BACH2: variants seen among roughly 807,000 people sequenced by gnomAD.
BACH2 encodes the protein BACH transcriptional regulator 2.
A neutral mutation model predicts 61.8 loss-of-function variants in BACH2; 5 were observed. The observed-to-expected ratio is 0.08, with a 90% CI of 0.04 to 0.17. BACH2 has a LOEUF of 0.17. Among genes scored for constraint, BACH2 ranks in the 10% least tolerant of loss-of-function variants. The pLI is 1.00. For synonymous variants in BACH2, 446 were observed against 440.1 expected, an observed-to-expected ratio of 1.01 and a Z score of -0.17; for missense variants, 824 against 1,091.1, an observed-to-expected ratio of 0.76 and a Z score of 3.45.
At chr6:90,063,216 G>T (rs1780776851) in intron 5 of BACH2, among the ~76,000 whole-genome samples, 2 of 152,162 alleles carry the variant, frequency 1.3e-5, no homozygotes, top group African/African-American at 4.8e-5. Flanking sequence ...GAAGTGTTGG[G>T]TTTGGAAAGC....
intron 5 of BACH2, among the ~76,000 whole-genome samples, chr6:90,070,230 C>A (rs1435787778): frequency 6.6e-6 from 1 of 152,138 alleles, no homozygotes; most frequent in Non-Finnish European, 1.5e-5. Context: ...CCTTCATCTT[C>A]CTTAAACCTC....
intron 5 of BACH2, among the ~76,000 whole-genome samples, chr6:90,018,229 T>A (rs139450274): frequency 1.3e-5 from 2 of 152,366 alleles, no homozygotes; most frequent in Non-Finnish European, 2.9e-5. Context: ...CTCTGCAGAA[T>A]ATTAAAGGGA....
intron 6 of BACH2, among the ~76,000 whole-genome samples, chr6:90,002,688 T>G (rs1457170951): frequency 6.6e-6 from 1 of 152,178 alleles, no homozygotes; most frequent in South Asian, 2.1e-4. Context: ...GAGAATTGCT[T>G]GAACCTGGGA....
intron 2 of BACH2, among the ~76,000 whole-genome samples, chr6:90,255,320 T>C (rs1482278733): frequency 6.6e-6 from 1 of 152,204 alleles, no homozygotes; most frequent in Non-Finnish European, 1.5e-5. Context: ...GTGTAAGACA[T>C]TGTGCTAAGA....
chr6:90,053,547 G>A (rs1780160981), intron 5 of BACH2, among the ~76,000 whole-genome samples: 1 of 152,088 alleles, frequency 6.6e-6, no homozygotes, highest in Admixed American at 6.6e-5. Context: ...CCAAAATGCT[G>A]GGATTACAGG....
At position 90,122,912 on chromosome 6, in the gene BACH2, G is replaced by A. The variant is rs187749803; in HGVS notation, c.-161-33803C>T. Among the ~76,000 whole-genome samples, 235 of 152,264 alleles carry A rather than the reference G, an allele frequency of 1.5e-3. 1 individual carries two copies. Among genetic ancestry groups the A allele is most frequent in the East Asian group, 9.8e-3 (51 of 5,186 alleles). ...ACACATAAAAAAGAGACATAAAACC[G>A]GAGAACTTAACGGCAGAGAAAAGTA... On this transcript the variant is annotated intron_variant, in intron 4 of 8. Transcript: ENST00000257749.
chr6:90,129,773 T>C lies in BACH2; in HGVS notation c.-161-40664A>G, dbSNP rs534253299. Among the ~76,000 whole-genome samples, 6 of 152,300 alleles carry C rather than the reference T, an allele frequency of 3.9e-5. No individual in the cohort carries two copies. In the East Asian group the frequency reaches 1.2e-3, roughly 29 times the overall value. ...ATGATTTGGCTCTCTGCTTGCCTACTGTTGGTGTAAAGGAATGCTTGTGAT... is the reference window on the plus strand; with the variant it reads ...ATGATTTGGCTCTCTGCTTGCCTACCGTTGGTGTAAAGGAATGCTTGTGAT... On this transcript the variant is annotated intron_variant, in intron 4 of 8. Transcript: ENST00000257749.
chr6:90,282,193 TGTACTG>T (rs766887889), intron 1 of BACH2, among the ~76,000 whole-genome samples: 1 of 152,228 alleles, frequency 6.6e-6, no homozygotes, highest in Non-Finnish European at 1.5e-5. Context: ...GGTATGCACA[TGTACTG>T]GTTTGTTACA....
chr6:90,176,833 C>A (rs1485404470), intron 4 of BACH2, among the ~76,000 whole-genome samples: 2 of 152,088 alleles, frequency 1.3e-5, no homozygotes, highest in Non-Finnish European at 2.9e-5. Context: ...TTATAGAACA[C>A]AAATATCACC....
intron 7 of BACH2, among the ~76,000 whole-genome samples, chr6:89,939,052 T>A (rs1297860764): frequency 6.6e-6 from 1 of 152,246 alleles, no homozygotes; most frequent in Non-Finnish European, 1.5e-5. Flanking sequence ...AATTTTACAA[T>A]GAAATGTTGA....
chr6:89,999,394 C>T (rs1777014051), intron 6 of BACH2, among the ~76,000 whole-genome samples: 1 of 151,558 alleles, frequency 6.6e-6, no homozygotes, highest in African/African-American at 2.4e-5. Flanking sequence ...CCAGTTCGTG[C>T]TGGCGTGACC....
At chr6:90,026,687 C>A (rs1020865394) in intron 5 of BACH2, among the ~76,000 whole-genome samples, 2 of 152,136 alleles carry the variant, frequency 1.3e-5, no homozygotes, top group African/African-American at 4.8e-5. Flanking sequence ...TCTACTGTTG[C>A]CTGCCCCAGC....
In BACH2 at chr6:89,990,390, CT is replaced by C. The variant is rs768281876; in HGVS notation, c.243+18211del. On this transcript the variant is annotated intron_variant, in intron 6 of 8. Transcript: ENST00000257749. Reference sequence around the variant, plus strand: ...TCTCAACAGAACTTTAAGCTTTTGCCTTTTTCATCCACTAGACTCTTTCTTC... The same window carrying C: ...TCTCAACAGAACTTTAAGCTTTTGCCTTTTCATCCACTAGACTCTTTCTTC... Among the ~76,000 whole-genome samples, 44 of 152,272 alleles carry C rather than the reference CT, an allele frequency of 2.9e-4. 1 individual carries two copies. The highest frequency in any genetic ancestry group is 6.8e-3 in the Middle Eastern group (2 of 294).
chr6:90,222,123 AAACAGGGTGTGGATT>A (rs1769755839), intron 3 of BACH2, among the ~76,000 whole-genome samples: 1 of 152,226 alleles, frequency 6.6e-6, no homozygotes, highest in Admixed American at 6.5e-5. Flanking sequence ...TGAGTCTTTG[AAACAGGGTGTGGATT>A]CTACACTTAC....
chr6:90,221,572 A>T (rs1441582702), intron 3 of BACH2, among the ~76,000 whole-genome samples: 1 of 152,184 alleles, frequency 6.6e-6, no homozygotes, highest in Non-Finnish European at 1.5e-5. Context: ...TGAGGAGTCT[A>T]CTTAAGACGA....
chr6:90,261,042 G>A (rs1771140526), intron 2 of BACH2, among the ~76,000 whole-genome samples: 1 of 152,162 alleles, frequency 6.6e-6, no homozygotes, highest in East Asian at 1.9e-4. Context: ...GGCTGCAGAG[G>A]GGCAGCAGTT....
intron 5 of BACH2, among the ~76,000 whole-genome samples, chr6:90,033,225 G>A (rs1186219759): frequency 1.3e-5 from 2 of 151,814 alleles, no homozygotes; most frequent in Non-Finnish European, 2.9e-5. Flanking sequence ...AGGGAGGGGG[G>A]AGGAATAGCA....
intron 4 of BACH2, among the ~76,000 whole-genome samples, chr6:90,160,754 A>G (rs1785161523): frequency 6.6e-6 from 1 of 152,214 alleles, no homozygotes; most frequent in African/African-American, 2.4e-5. Context: ...TGGAGACGAC[A>G]TCTAAGTTGG....
chr6:89,998,263 G>A (rs775654189), intron 6 of BACH2, among the ~76,000 whole-genome samples: 5 of 151,906 alleles, frequency 3.3e-5, no homozygotes, highest in Non-Finnish European at 5.9e-5. Context: ...ATGTGCTCAC[G>A]TTGGAGGCCT....
Sources: allele counts gnomAD v4.1 joint callset (sites outside exome capture counted in the v4.1 genomes callset), GRCh38; gene constraint gnomAD v4.1.1; transcripts MANE v1.5; gene names NCBI Gene and HGNC (gene_info 2026-07-23, HGNC 2026-07-21).